The following ESR1 variants were observed in gnomAD, a reference collection of about 807,000 sequenced individuals.
ESR1 encodes estrogen receptor 1.
A neutral mutation model predicts 52.7 loss-of-function variants in ESR1; 12 were observed. That is an observed-to-expected ratio of 0.23 (90% CI 0.15 to 0.37). The LOEUF (loss-of-function observed/expected upper bound fraction) is 0.37, where lower values mean the gene tolerates loss of function less well. Among genes scored for constraint, ESR1 ranks in the 10% least tolerant of loss-of-function variants. The pLI is 1.00. For synonymous variants in ESR1, 305 were observed against 316.8 expected (o/e 0.96, Z 0.39); for missense variants, 584 against 779.7 (o/e 0.75, Z 2.99).
intron 2 of ESR1, among the ~76,000 whole-genome samples, chr6:151,732,123 G>T (rs576689897): frequency 6.6e-6 from 1 of 152,170 alleles, no homozygotes; most frequent in Non-Finnish European, 1.5e-5. Flanking sequence ...AGTTAGAAAT[G>T]ATAATTTTTA....
At position 151,728,902 on chromosome 6, in the gene ESR1, G is replaced by C. The variant is rs1314981064; in HGVS notation, c.-71+26897G>C. ...GTACTAAAATACAGGATTTGATCTA[G>C]AAAAGGTGATGCTAAAAATGCATGT... On this transcript the variant is annotated intron_variant, in intron 2 of 2. Coordinates refer to the ESR1 transcript ENST00000404742. Among the ~76,000 whole-genome samples the C allele has an allele frequency of 2.6e-5, 4 of 152,180 alleles. No homozygotes were observed. The South Asian group carries it at 6.2e-4, about 24-fold the overall frequency.
intron 6 of ESR1, among the ~76,000 whole-genome samples, chr6:152,064,005 G>A (rs1026638171): frequency 6.6e-6 from 1 of 152,176 alleles, no homozygotes; most frequent in Admixed American, 6.5e-5. Context: ...AATTTCCATG[G>A]GAAGCCATTT....
chr6:152,028,543 A>G (rs1334002875), intron 5 of ESR1, among the ~76,000 whole-genome samples: 1 of 152,198 alleles, frequency 6.6e-6, no homozygotes, highest in Non-Finnish European at 1.5e-5. Flanking sequence ...AGCCTCGCTC[A>G]TTGCTAGCAC....
At chr6:151,802,776 G>A (rs535680672), upstream of ESR1, among the ~76,000 whole-genome samples, 238 of 152,310 alleles carry the variant, frequency 1.6e-3, 1 homozygote, top group Non-Finnish European at 3.1e-3. Flanking sequence ...ATCACCTGTG[G>A]TCAGGAGTTC....
intron 2 of ESR1, among the ~76,000 whole-genome samples, chr6:151,703,082 G>T (rs1380526368): frequency 1.3e-5 from 2 of 152,210 alleles, no homozygotes; most frequent in African/African-American, 4.8e-5. Context: ...GCCAGTGGAC[G>T]AAACCTGACT....
chr6:151,816,681 T>C (rs971342639), intron 1 of ESR1, among the ~76,000 whole-genome samples: 1 of 152,158 alleles, frequency 6.6e-6, no homozygotes, highest in Non-Finnish European at 1.5e-5. Context: ...AGGAAGCTAG[T>C]ATTTCTTGAA....
At chr6:152,085,300 C>T (rs927132233) in intron 6 of ESR1, among the ~76,000 whole-genome samples, 2 of 151,426 alleles carry the variant, frequency 1.3e-5, no homozygotes, top group Non-Finnish European at 2.9e-5. Flanking sequence ...AAGACCCTGT[C>T]TCTCTTTCTA....
At chr6:151,871,388 T>A (rs1410335303) in intron 2 of ESR1, among the ~76,000 whole-genome samples, 2 of 151,908 alleles carry the variant, frequency 1.3e-5, no homozygotes, top group Admixed American at 6.6e-5. Flanking sequence ...AAAGTGAAGC[T>A]CTGTACTTAT....
At chr6:152,044,759 T>C (rs1346375698) in intron 5 of ESR1, among the ~76,000 whole-genome samples, 1 of 152,224 alleles carries the variant, frequency 6.6e-6, no homozygotes, top group East Asian at 1.9e-4. Context: ...GTTTTTGTCC[T>C]AGCCATGCTG....
At chr6:152,006,539 C>T (rs1436108230) in intron 4 of ESR1, among the ~76,000 whole-genome samples, 1 of 152,004 alleles carries the variant, frequency 6.6e-6, no homozygotes, top group Non-Finnish European at 1.5e-5. Context: ...TCTAGTTCTT[C>T]TGATACTATA....
intron 5 of ESR1, among the ~76,000 whole-genome samples, chr6:152,041,347 C>G (rs1221329816): frequency 2.0e-5 from 3 of 152,152 alleles, no homozygotes; most frequent in African/African-American, 7.2e-5. Flanking sequence ...AAACTGGAAG[C>G]CTTTCAGGTC....
intron 3 of ESR1, among the ~76,000 whole-genome samples, chr6:151,915,209 G>A (rs1214769395): frequency 1.3e-5 from 2 of 151,438 alleles, no homozygotes; most frequent in Admixed American, 1.3e-4. Flanking sequence ...AAAAAAAGGT[G>A]AAATGAAAAA....
rs2047549432 is a variant in ESR1, at chr6:152,061,611, A to G, written c.1369+487A>G. Among the ~76,000 whole-genome samples the G allele has an allele frequency of 1.3e-5, 2 of 152,242 alleles. 1 individual carries two copies. The highest frequency in any genetic ancestry group is 4.8e-5 in the African/African-American group (2 of 41,464). On this transcript the variant is annotated intron_variant, in intron 6 of 7. Transcript: ENST00000206249. This position sits in a 1 kb window ranked among gnomAD's most constrained non-coding sequence, Gnocchi z 4.3. ...ATAGAAAAACCTGTTTCTAAAACAGAAGAATGTGGAATGCAATAAATTGTC... is the reference window on the plus strand; with the variant it reads ...ATAGAAAAACCTGTTTCTAAAACAGGAGAATGTGGAATGCAATAAATTGTC...
chr6:152,043,821 C>T (rs971250041), intron 5 of ESR1, among the ~76,000 whole-genome samples: 5 of 152,168 alleles, frequency 3.3e-5, no homozygotes, highest in Non-Finnish European at 7.3e-5. Context: ...GGGTACCATT[C>T]TTTTTCAATC....
chr6:151,689,439 A>G (rs1482101225), upstream of ESR1, among the ~76,000 whole-genome samples: 1 of 152,206 alleles, frequency 6.6e-6, no homozygotes. Context: ...ATTAACTAAA[A>G]TGTGTCCTGC....
At chr6:151,949,040 T>G (rs1189733596) in intron 4 of ESR1, among the ~76,000 whole-genome samples, 1 of 152,220 alleles carries the variant, frequency 6.6e-6, no homozygotes, top group Admixed American at 6.5e-5. Context: ...AAACTAGAAC[T>G]GCTCTCTAAG....
intron 3 of ESR1, among the ~76,000 whole-genome samples, chr6:151,919,875 AAC>A (rs956648975): frequency 3.3e-5 from 5 of 152,034 alleles, no homozygotes; most frequent in Admixed American, 1.3e-4. Flanking sequence ...ATGTTCTAGA[AAC>A]ACACACACAC....
chr6:151,954,935 G>A (rs182872026), intron 4 of ESR1, among the ~76,000 whole-genome samples: 193 of 152,220 alleles, frequency 1.3e-3, no homozygotes, highest in African/African-American at 4.2e-3. Flanking sequence ...GACCAATGCC[G>A]CCTTTACATT....
Position 151,677,789 on chromosome 6 carries a change from C to T in ESR1, n.73+21026C>T, listed in dbSNP as rs564491115. Among the ~76,000 whole-genome samples the T allele has an allele frequency of 2.8e-3, 421 of 152,114 alleles. 3 individuals carry two copies. The highest frequency in any genetic ancestry group is 9.8e-3 in the African/African-American group (405 of 41,504). On this transcript the variant is annotated intron_variant and non_coding_transcript_variant, in intron 1 of 2. Coordinates refer to the ESR1 transcript ENST00000473497. Reference sequence around the variant, plus strand: ...CCCACATTGTCAATAATAGAGTCGCCCTGGGAAGCAGAGTTTGCAAAGGGA... The same window carrying T: ...CCCACATTGTCAATAATAGAGTCGCTCTGGGAAGCAGAGTTTGCAAAGGGA...
Sources: allele counts gnomAD v4.1 joint callset (sites outside exome capture counted in the v4.1 genomes callset), GRCh38; gene constraint gnomAD v4.1.1; non-coding constraint Gnocchi (gnomAD v3.1); transcripts MANE v1.5; gene names NCBI Gene and HGNC (gene_info 2026-07-23, HGNC 2026-07-21).